IDE: variants seen among roughly 807,000 people sequenced by gnomAD.
IDE encodes insulin-degrading enzyme.
In IDE, 58 loss-of-function variants were observed where a neutral mutation model predicts 133.2. The ratio of observed to expected loss-of-function variants is 0.44; its 90% CI spans 0.35 to 0.54. The LOEUF (loss-of-function observed/expected upper bound fraction) is 0.54. Ranked by LOEUF, IDE falls within the 20% of genes least tolerant of loss-of-function variation. The pLI is 0.00. For synonymous variants in IDE, 396 were observed against 421.3 expected (o/e 0.94, Z 0.73); for missense variants, 981 against 1,234.0 (o/e 0.79, Z 3.07).
chr10:92,454,691 A>C, intron 24 of IDE, 152 bp from the exon 25 acceptor site: 1 of 629,466 alleles, frequency 1.6e-6, no homozygotes, highest in South Asian at 1.8e-5. Flanking sequence ...CTAATAACCC[A>C]TGTATCTTGA....
chr10:92,458,232 T>A (rs1419415168), intron 22 of IDE, among the ~76,000 whole-genome samples: 1 of 152,196 alleles, frequency 6.6e-6, no homozygotes, highest in Non-Finnish European at 1.5e-5. Flanking sequence ...TAAAAAAGGA[T>A]GCATGGTGAA....
chr10:92,543,716 G>A (rs1392600783), intron 1 of IDE, among the ~76,000 whole-genome samples: 2 of 152,164 alleles, frequency 1.3e-5, no homozygotes, highest in Admixed American at 1.3e-4. Flanking sequence ...TGCAAATGTT[G>A]TTTTAGTTTG....
At chr10:92,572,820 C>T in intron 1 of IDE, 1 of 923,396 alleles carries the variant, frequency 1.1e-6, no homozygotes, top group South Asian at 5.0e-5. Flanking sequence ...TCACTCCAAC[C>T]TTTCTGCCAT....
chr10:92,555,931 T>C (rs1462877846), intron 1 of IDE, among the ~76,000 whole-genome samples: 1 of 151,838 alleles, frequency 6.6e-6, no homozygotes, highest in Non-Finnish European at 1.5e-5. Context: ...CCCAGCACTT[T>C]GGGAGGCCGA....
intron 4 of IDE, among the ~76,000 whole-genome samples, chr10:92,530,223 T>C (rs1050525185): frequency 1.1e-4 from 17 of 147,906 alleles, no homozygotes; most frequent in African/African-American, 4.2e-4. Flanking sequence ...CCAGACTCCG[T>C]CTCAATAAAT....
chr10:92,474,086 CAG>C (rs1382296493), intron 17 of IDE, among the ~76,000 whole-genome samples: 2 of 152,008 alleles, frequency 1.3e-5, no homozygotes, highest in Non-Finnish European at 2.9e-5. Context: ...GAGGCAGAGA[CAG>C]AGTCTTGCTC....
rs1417554856 is a variant in IDE, at chr10:92,524,396, TAATA to T, written c.661+7348_661+7351del. ...TATATTATATATAATATATTTTATA[TAATA>T]TATAATATATATTATATTATATATA... is the stretch of plus-strand genomic sequence containing the variant. On this transcript the variant is annotated intron_variant, in intron 4 of 24. Coordinates refer to ENST00000265986, the MANE Select transcript of IDE (RefSeq NM_004969.4). Among the ~76,000 whole-genome samples, 98 of 92,990 alleles carry T rather than the reference TAATA, an allele frequency of 1.1e-3. 15 individuals are homozygous for T. Among genetic ancestry groups the T allele is most frequent in the Middle Eastern group, 8.9e-3 (2 of 224 alleles). The allele number at this position is 92,990 out of a possible 152,430, so 61.0% of individuals were successfully genotyped here.
At position 92,531,822 on chromosome 10, in the gene IDE, T is replaced by G. The variant is rs758927481; in HGVS notation, c.587A>C (p.Asn196Thr). The G allele has an allele frequency of 6.2e-7, 1 of 1,610,682 alleles. No homozygotes were observed. Among genetic ancestry groups the G allele is most frequent in the Non-Finnish European group, 8.5e-7 (1 of 1,177,802 alleles). Residue 196 changes from asparagine to threonine, a missense_variant, in exon 4 of 25, where the codon AAT (asparagine) becomes ACT (threonine). Physicochemically the swap from Asn to Thr is moderately conservative, Grantham distance 65. Around this residue, in one of 2 missense-constraint regions of IDE, gnomAD observed 321 missense variants for 339.3 expected, o/e 0.95. Coordinates refer to ENST00000265986, the MANE Select transcript of IDE (RefSeq NM_004969.4). ...CAATTGAAAGAGTCTCCAGGCATCA[T>G]TCATCACATTCTTCTCATGTTCTGA... ...VDSEHEKNVM[N>T]DAWRLFQLEK...
chr10:92,534,625 A>G lies in IDE; in HGVS notation c.444T>C (p.Asn148=). 1 of 1,613,932 alleles carries G rather than the reference A, an allele frequency of 6.2e-7. No homozygotes were observed. Among genetic ancestry groups the G allele is most frequent in the Non-Finnish European group, 8.5e-7 (1 of 1,179,922 alleles). The change falls in exon 3 of 25, where the codon AAT becomes AAC. Residue 148 remains asparagine, a synonymous_variant. Coordinates refer to ENST00000265986, the MANE Select transcript of IDE (RefSeq NM_004969.4). The part of the protein sequence containing the change: ...SNAFTSGEHT[N]YYFDVSHEHL... ...GTTCATGAGAAACATCAAAATAGTAATTGGTATGCTCTCCACTAGTAAAGG... is the reference window on the plus strand; with the variant it reads ...GTTCATGAGAAACATCAAAATAGTAGTTGGTATGCTCTCCACTAGTAAAGG...
At chr10:92,465,582 ATACAGTGT>A (rs1845640309) in intron 20 of IDE, 86 bp downstream of exon 20, 1 of 1,054,912 alleles carries the variant, frequency 9.5e-7, no homozygotes, top group South Asian at 1.5e-5. Context: ...CATGCCTGAT[ATACAGTGT>A]TAGGTGAAAA....
intron 1 of IDE, among the ~76,000 whole-genome samples, chr10:92,556,995 C>A (rs536628682): frequency 1.3e-5 from 2 of 151,468 alleles, no homozygotes; most frequent in East Asian, 3.9e-4. Flanking sequence ...AATGGAAAGA[C>A]TCCCATGTTC....
chr10:92,550,981 T>C (rs1167272000), intron 1 of IDE, among the ~76,000 whole-genome samples: 1 of 152,238 alleles, frequency 6.6e-6, no homozygotes, highest in East Asian at 1.9e-4. Flanking sequence ...TACAGCAGTA[T>C]GGAAAACTGT....
chr10:92,530,086 C>T (rs542293858), intron 4 of IDE, among the ~76,000 whole-genome samples: 2 of 152,050 alleles, frequency 1.3e-5, no homozygotes, highest in Non-Finnish European at 2.9e-5. Flanking sequence ...ATTAGCCGGG[C>T]ATGGTGGCGG....
Position 92,454,628 on chromosome 10 carries a change from C to A in IDE, c.2965-89G>T, listed in dbSNP as rs146204544. 8.7e-3 allele frequency: 7,526 copies of A among 867,766 alleles called. 84 individuals carry two copies. The highest frequency in any genetic ancestry group is 0.02 in the Middle Eastern group (61 of 3,098). The allele number at this position is 867,766 out of a possible 1,614,324, so 53.8% of individuals were successfully genotyped here. A position where few individuals can be genotyped will look rare whatever the true frequency, so the allele number is the denominator to read the frequency against. ...TTTTTTGGCGGACACTGGGAGCATACCTCAGTTCTACTTAATATACTGTTT... is the reference window on the plus strand; with the variant it reads ...TTTTTTGGCGGACACTGGGAGCATAACTCAGTTCTACTTAATATACTGTTT... On this transcript the variant is annotated intron_variant, in intron 24 of 24. Coordinates refer to ENST00000265986, the MANE Select transcript of IDE (RefSeq NM_004969.4).
intron 11 of IDE, among the ~76,000 whole-genome samples, chr10:92,495,342 T>C (rs1847622469): frequency 6.6e-6 from 1 of 150,858 alleles, no homozygotes. Flanking sequence ...TGCCTCAGCC[T>C]CCTGAGTAGC....
chr10:92,528,155 T>G (rs1424347980), intron 4 of IDE, among the ~76,000 whole-genome samples: 3 of 152,204 alleles, frequency 2.0e-5, no homozygotes, highest in Non-Finnish European at 4.4e-5. Context: ...AATCACATTT[T>G]CCCCCTTGAT....
At chr10:92,503,364 G>GTT (rs1848130742) in intron 11 of IDE, among the ~76,000 whole-genome samples, 1 of 152,204 alleles carries the variant, frequency 6.6e-6, no homozygotes, top group African/African-American at 2.4e-5. Flanking sequence ...CAGATAGGGT[G>GTT]TCACTATGCT....
chr10:92,561,205 G>A (rs1422158358), intron 1 of IDE, among the ~76,000 whole-genome samples: 7 of 151,214 alleles, frequency 4.6e-5, no homozygotes, highest in African/African-American at 9.7e-5. Flanking sequence ...GCAGTAAGCC[G>A]AGATGGCACC....
At chr10:92,455,385 A>G (rs1471648438) in intron 24 of IDE, among the ~76,000 whole-genome samples, 191 bp downstream of exon 24, 1 of 152,176 alleles carries the variant, frequency 6.6e-6, no homozygotes, top group Non-Finnish European at 1.5e-5. Flanking sequence ...CTGAGGCAGG[A>G]TAATTGCTTG....
Sources: gnomAD v4.1 joint callset for allele counts (sites outside exome capture counted in the v4.1 genomes callset) on GRCh38, gnomAD v4.1.1 for gene constraint, gnomAD v4.1.1 regional missense constraint, MANE v1.5 for transcripts, NCBI Gene and HGNC (gene_info 2026-07-23, HGNC 2026-07-21) for gene names.